TNIK: variants seen among roughly 807,000 people sequenced by gnomAD.
The protein encoded by TNIK is TRAF2 and NCK-interacting protein kinase.
A neutral mutation model predicts 191.3 loss-of-function variants in TNIK; 49 were observed. That is an observed-to-expected ratio of 0.26 (90% confidence interval 0.20 to 0.32). The LOEUF is 0.32. Ranked by LOEUF, TNIK falls within the 10% of genes least tolerant of loss-of-function variation. The probability of loss-of-function intolerance (pLI) is 1.00; values close to 1 mark genes in which losing one functional copy is unlikely to be tolerated. For synonymous variants in TNIK, 594 were observed against 600.9 expected (o/e 0.99, Z 0.17); for missense variants, 1,155 against 1,702.3 (o/e 0.68, Z 5.66).
At chr3:171,448,891 A>G (rs1445433003) in intron 1 of TNIK, among the ~76,000 whole-genome samples, 4 of 152,010 alleles carry the variant, frequency 2.6e-5, no homozygotes, top group Non-Finnish European at 4.4e-5. Flanking sequence ...TCCTAATGCT[A>G]TCCCTCCCCT....
At chr3:171,295,310 T>G (rs1280433447) in intron 2 of TNIK, among the ~76,000 whole-genome samples, 1 of 152,232 alleles carries the variant, frequency 6.6e-6, no homozygotes, top group African/African-American at 2.4e-5. Context: ...AAATTCTCTT[T>G]GTTTTATAAG....
At chr3:171,378,689 C>T (rs535906426) in intron 1 of TNIK, among the ~76,000 whole-genome samples, 6 of 152,168 alleles carry the variant, frequency 3.9e-5, no homozygotes, top group Admixed American at 1.3e-4. Flanking sequence ...AGCCACAATG[C>T]GGTAAGGTCT....
chr3:171,122,175 A>G (rs1727843492), intron 18 of TNIK, among the ~76,000 whole-genome samples: 2 of 152,236 alleles, frequency 1.3e-5, no homozygotes, highest in African/African-American at 4.8e-5. Flanking sequence ...TTTGGTTGAC[A>G]GAAGGAAAAA....
chr3:171,237,501 C>CG (rs997854398), intron 2 of TNIK, among the ~76,000 whole-genome samples: 1 of 144,206 alleles, frequency 6.9e-6, no homozygotes, highest in Non-Finnish European at 1.5e-5. Context: ...ATGATTCCCA[C>CG]GGAAAAAAAA....
chr3:171,261,292 C>G (rs1394933245), intron 2 of TNIK, among the ~76,000 whole-genome samples: 1 of 152,208 alleles, frequency 6.6e-6, no homozygotes, highest in South Asian at 2.1e-4. Context: ...AGTAAACAGA[C>G]ATACATATTT....
chr3:171,146,403 C>T (rs573127340), intron 12 of TNIK, among the ~76,000 whole-genome samples: 2 of 152,122 alleles, frequency 1.3e-5, no homozygotes, highest in Non-Finnish European at 2.9e-5. Flanking sequence ...TCATATTTCC[C>T]ATTATATGGA....
intron 7 of TNIK, among the ~76,000 whole-genome samples, chr3:171,183,230 G>A (rs766060604): frequency 8.5e-5 from 13 of 152,134 alleles, no homozygotes; most frequent in Non-Finnish European, 1.5e-4. Context: ...TTGATCTCCC[G>A]TTCTCTATTG....
intron 12 of TNIK, among the ~76,000 whole-genome samples, chr3:171,145,074 A>C (rs1731352844): frequency 7.4e-6 from 1 of 134,536 alleles, no homozygotes. Flanking sequence ...ACAAAGGAGC[A>C]CAGCTATCTC....
intron 2 of TNIK, among the ~76,000 whole-genome samples, chr3:171,364,816 G>C (rs1187652325): frequency 6.6e-6 from 1 of 151,922 alleles, no homozygotes; most frequent in Non-Finnish European, 1.5e-5. Context: ...AGACCTGAAG[G>C]AGAAGGAGCC....
intron 1 of TNIK, among the ~76,000 whole-genome samples, chr3:171,392,778 C>CAAAAAAAAAAAA (rs60306915): frequency 2.1e-5 from 2 of 95,262 alleles, no homozygotes; most frequent in Non-Finnish European, 2.0e-5. Flanking sequence ...GATTCTGTCT[C>CAAAAAAAAAAAA]AAAAAAAAAA....
At position 171,366,086 on chromosome 3, in the gene TNIK, A is replaced by T. The variant is rs1170584631; in HGVS notation, c.123+3534T>A. On this transcript the variant is annotated intron_variant, in intron 2 of 32. Transcript: ENST00000436636. This position sits in a 1 kb window ranked among gnomAD's most constrained non-coding sequence, Gnocchi z 4.1. ...TTTAACAAAAATGTGTCCAGATTCC[A>T]TTAGGTTCCCAATAGATGGCATGCC... Among the ~76,000 whole-genome samples the T allele has an allele frequency of 6.6e-6, 1 of 152,234 alleles. No individual in the cohort carries two copies. Among genetic ancestry groups the T allele is most frequent in the Non-Finnish European group, 1.5e-5 (1 of 68,040 alleles).
intron 1 of TNIK, chr3:171,439,456 T>A (rs1726474192): frequency 6.6e-6 from 1 of 151,938 alleles, no homozygotes; most frequent in Non-Finnish European, 1.5e-5. Flanking sequence ...TCTATAAAAT[T>A]AGAATAGTAT....
chr3:171,339,605 A>G (rs1303620403), intron 2 of TNIK, among the ~76,000 whole-genome samples: 3 of 152,186 alleles, frequency 2.0e-5, no homozygotes, highest in Non-Finnish European at 4.4e-5. Flanking sequence ...TGTGGGTTGA[A>G]CAGACCGAGG....
chr3:171,373,385 C>T (rs1279844817), intron 1 of TNIK, among the ~76,000 whole-genome samples: 1 of 152,094 alleles, frequency 6.6e-6, no homozygotes, highest in Middle Eastern at 3.2e-3. Flanking sequence ...GGTACCTTCC[C>T]CTAAGTTTCC....
chr3:171,128,789 T>C lies in TNIK; in HGVS notation c.1698A>G (p.Pro566=), dbSNP rs1560153902. 11 of 1,606,138 alleles carry C rather than the reference T, an allele frequency of 6.8e-6. No individual in the cohort carries two copies. In the South Asian group the frequency reaches 7.8e-5, roughly 11 times the overall value. Residue 566 remains proline (P), a synonymous_variant, in exon 16 of 33, where the codon CCA becomes CCG. Transcript: ENST00000436636. ...ANRISDPNLP[P]RSESFSISGV... The stretch of plus-strand genomic sequence containing the variant: ...CACTAATGCTGAAGGACTCCGACCT[T>C]GGGGGCAGGTTGGGGTCAGATATCC...
rs1223224383 is a variant in TNIK, at chr3:171,161,335, A to G, written c.951T>C (p.Asp317=). The G allele has an allele frequency of 6.2e-7, 1 of 1,611,388 alleles. No homozygotes were observed. Among genetic ancestry groups the G allele is most frequent in the East Asian group, 2.2e-5 (1 of 44,864 alleles). ...DRTKKKRGEK[D]ETEYEYSGSE... Reference sequence around the variant, plus strand: ...TTCCACTGTACTCATACTCTGTCTCATCTGAAGAAAGATCCCAGCATGTTA... The same window carrying G: ...TTCCACTGTACTCATACTCTGTCTCGTCTGAAGAAAGATCCCAGCATGTTA... The change falls in exon 11 of 33, where the codon GAT becomes GAC. Residue 317 remains aspartate (D), a splice_region_variant and synonymous_variant. Transcript: ENST00000436636.
intron 12 of TNIK, among the ~76,000 whole-genome samples, chr3:171,155,701 C>G (rs116756122): frequency 0.027 from 4,126 of 152,296 alleles, 191 homozygotes; most frequent in African/African-American, 0.092. Context: ...GAGACAGAAC[C>G]CAGGTCAAAG....
chr3:171,123,263 T>A (rs1728000033), intron 18 of TNIK, among the ~76,000 whole-genome samples: 1 of 152,206 alleles, frequency 6.6e-6, no homozygotes, highest in Non-Finnish European at 1.5e-5. Flanking sequence ...TCTAAACTGA[T>A]CTCTGAAGTA....
intron 4 of TNIK, 145 bp downstream of exon 4, chr3:171,210,971 C>A: frequency 1.9e-6 from 2 of 1,042,550 alleles, no homozygotes; most frequent in Non-Finnish European, 1.3e-6. Context: ...GGGAGAAAAC[C>A]CTGAAAACAA....
Sources: gnomAD v4.1 joint callset for allele counts (sites outside exome capture counted in the v4.1 genomes callset) on GRCh38, gnomAD v4.1.1 for gene constraint, Gnocchi (gnomAD v3.1) non-coding constraint, MANE v1.5 for transcripts, NCBI Gene and HGNC (gene_info 2026-07-23, HGNC 2026-07-21) for gene names.